MTUS1: variants seen among roughly 807,000 people sequenced by gnomAD.
MTUS1 encodes the protein microtubule associated scaffold protein 1, also known as microtubule-associated tumor suppressor 1.
In MTUS1, 109 loss-of-function variants were observed where a neutral mutation model predicts 120.8. The observed-to-expected ratio is 0.90, with a 90% CI of 0.77 to 1.06. MTUS1 has a LOEUF of 1.06. MTUS1 is among the 50% of genes least tolerant of loss of function. The pLI is 0.00. For missense variants in MTUS1, 2,210 were observed against 1,486.3 expected, an observed-to-expected ratio of 1.49 and a Z score of -8.01; for synonymous variants, 737 against 550.5, an observed-to-expected ratio of 1.34 and a Z score of -4.74.
chr8:17,646,860 C>A, intron 14 of MTUS1, 122 bp downstream of exon 14: 1 of 691,434 alleles, frequency 1.4e-6, no homozygotes, highest in Non-Finnish European at 2.5e-6. Flanking sequence ...AAATCAATGC[C>A]CTTTTAACCA....
intron 7 of MTUS1, chr8:17,681,575 G>A (rs1172244655): frequency 6.5e-6 from 1 of 154,786 alleles, no homozygotes; most frequent in African/African-American, 2.4e-5. Context: ...CTGGCACTTA[G>A]TAAATATTAG....
intron 7 of MTUS1, among the ~76,000 whole-genome samples, chr8:17,683,006 C>T (rs374136302): frequency 2.0e-5 from 3 of 152,360 alleles, no homozygotes; most frequent in South Asian, 2.1e-4. Flanking sequence ...GGCGCAGTGG[C>T]GCATGCCTGT....
At chr8:17,650,761 G>C (rs1322961266) in intron 12 of MTUS1, among the ~76,000 whole-genome samples, 1 of 152,198 alleles carries the variant, frequency 6.6e-6, no homozygotes, top group Admixed American at 6.5e-5. Context: ...CGTCCTCTGA[G>C]AGCACACCAT....
chr8:17,770,047 C>T (rs2049911840), intron 1 of MTUS1, among the ~76,000 whole-genome samples: 1 of 152,106 alleles, frequency 6.6e-6, no homozygotes, highest in African/African-American at 2.4e-5. Flanking sequence ...TTTCCTGCCG[C>T]ACTCCATACA....
chr8:17,655,887 C>G lies in MTUS1; in HGVS notation c.3084G>C (p.Lys1028Asn). 6.2e-7 allele frequency: 1 copy of G among 1,614,228 alleles called. No homozygotes were observed. Among genetic ancestry groups the G allele is most frequent in the Non-Finnish European group, 8.5e-7 (1 of 1,180,038 alleles). Residue 1028 changes from lysine to asparagine, a missense_variant, in exon 9 of 15, where the codon AAG (lysine) becomes AAC (asparagine). By Grantham distance (94) the Lys-to-Asn change is moderately conservative. Coordinates refer to ENST00000693296, the MANE Select transcript of MTUS1 (RefSeq NM_001363059.2). ...LRDTYIEEAE[K>N]YKMQLQEQFD... ...CCTGCTCTTGCAATTGCATTTTGTA[C>G]TTCTCTGCTTCTTCAATGTAAGTGT...
intron 8 of MTUS1, among the ~76,000 whole-genome samples, chr8:17,665,596 A>G (rs1395116633): frequency 1.3e-5 from 2 of 152,094 alleles, no homozygotes; most frequent in African/African-American, 2.4e-5. Context: ...CCGGGCATCA[A>G]GCGATCTGTC....
At chr8:17,757,458 T>C (rs529437493) in intron 1 of MTUS1, among the ~76,000 whole-genome samples, 171 of 152,316 alleles carry the variant, frequency 1.1e-3, no homozygotes, top group South Asian at 7.9e-3. Flanking sequence ...AACTACTGAA[T>C]TGTACACTTA....
At chr8:17,721,257 T>C (rs769866108) in intron 4 of MTUS1, among the ~76,000 whole-genome samples, 4 of 152,226 alleles carry the variant, frequency 2.6e-5, no homozygotes, top group Non-Finnish European at 4.4e-5. Flanking sequence ...CAGCGCGAGA[T>C]GATTTTTTCA....
intron 5 of MTUS1, among the ~76,000 whole-genome samples, chr8:17,713,739 TAC>T (rs1481302410): frequency 1.3e-5 from 2 of 152,184 alleles, no homozygotes; most frequent in African/African-American, 2.4e-5. Context: ...GGGTAATAGG[TAC>T]ACAGCTGTAA....
At chr8:17,699,228 G>C (rs1174300471) in intron 6 of MTUS1, among the ~76,000 whole-genome samples, 1 of 152,052 alleles carries the variant, frequency 6.6e-6, no homozygotes, top group Non-Finnish European at 1.5e-5. Flanking sequence ...GTTTTTGTTT[G>C]TTTTTTGAGA....
intron 8 of MTUS1, among the ~76,000 whole-genome samples, chr8:17,656,322 G>C (rs1808219128): frequency 6.6e-6 from 1 of 151,914 alleles, no homozygotes; most frequent in African/African-American, 2.4e-5. Context: ...GAGGTCAGGA[G>C]TTCAAGACCG....
intron 6 of MTUS1, among the ~76,000 whole-genome samples, chr8:17,690,835 G>C (rs938916660): frequency 6.6e-6 from 1 of 151,966 alleles, no homozygotes; most frequent in Non-Finnish European, 1.5e-5. Flanking sequence ...GTACTAAAAT[G>C]ACCCAAAGTA....
At chr8:17,779,341 T>C (rs1427405108) in intron 1 of MTUS1, among the ~76,000 whole-genome samples, 1 of 152,192 alleles carries the variant, frequency 6.6e-6, no homozygotes, top group Non-Finnish European at 1.5e-5. Context: ...TGATGTGTTT[T>C]GGATTTCAGG....
intron 6 of MTUS1, among the ~76,000 whole-genome samples, chr8:17,708,011 A>G (rs1341069252): frequency 6.6e-6 from 1 of 152,228 alleles, no homozygotes; most frequent in African/African-American, 2.4e-5. Context: ...AACTTAAATG[A>G]AAACACAGGC....
intron 4 of MTUS1, among the ~76,000 whole-genome samples, chr8:17,721,527 G>C (rs75913039): frequency 0.038 from 5,800 of 152,142 alleles, 210 homozygotes; most frequent in African/African-American, 0.088. Flanking sequence ...ACATAAAAGA[G>C]ACAACAAAAT....
In MTUS1 at chr8:17,654,581, G is replaced by A; in HGVS notation, c.3194C>T (p.Ala1065Val). The change falls in exon 10 of 15, where the codon GCC (alanine) becomes GTC (valine). Residue 1065 changes from alanine (A) to valine (V), a missense_variant. Coordinates refer to ENST00000693296, the MANE Select transcript of MTUS1 (RefSeq NM_001363059.2). Reference sequence around the variant, plus strand: ...CTTGCCTGAAAGGGAGGCTTCATAGGCCTTCTTTAGCAATTCAAGTTTCTC... The same window carrying A: ...CTTGCCTGAAAGGGAGGCTTCATAGACCTTCTTTAGCAATTCAAGTTTCTC... ...HSEKLELLKK[A>V]YEASLSEIKK... 6.2e-7 allele frequency: 1 copy of A among 1,612,068 alleles called. No homozygotes were observed. The highest frequency in any genetic ancestry group is 8.5e-7 in the Non-Finnish European group (1 of 1,178,116).
At chr8:17,653,384 T>C in intron 11 of MTUS1, 41 bp downstream of exon 11, 1 of 1,544,114 alleles carries the variant, frequency 6.5e-7, no homozygotes, top group South Asian at 1.2e-5. Context: ...AAAATGATAT[T>C]TTTTTTTGTG....
At position 17,730,543 on chromosome 8, in the gene MTUS1, C is replaced by T. The variant is rs1341842479; in HGVS notation, c.2288-6710G>A. Among the ~76,000 whole-genome samples the T allele has an allele frequency of 2.7e-5, 4 of 149,984 alleles. No homozygotes were observed. In the East Asian group the frequency reaches 5.9e-4, roughly 22 times the overall value. On this transcript the variant is annotated intron_variant, in intron 3 of 14. Transcript: ENST00000693296. Reference sequence around the variant, plus strand: ...GAGCAGGTATCTGTACAACCATCTTCACAGCAGCATTATTCACAATAGCCA... The same window carrying T: ...GAGCAGGTATCTGTACAACCATCTTTACAGCAGCATTATTCACAATAGCCA...
At chr8:17,762,189 G>A (rs370295832) in intron 1 of MTUS1, among the ~76,000 whole-genome samples, 4 of 152,280 alleles carry the variant, frequency 2.6e-5, no homozygotes, top group African/African-American at 9.6e-5. Flanking sequence ...TGAGGCAGGA[G>A]AATCACTGGA....
Sources: allele counts gnomAD v4.1 joint callset (sites outside exome capture counted in the v4.1 genomes callset), GRCh38; gene constraint gnomAD v4.1.1; transcripts MANE v1.5; gene names NCBI Gene and HGNC (gene_info 2026-07-23, HGNC 2026-07-21).